SGPP2: variants seen among roughly 807,000 people sequenced by gnomAD.
SGPP2 encodes sphingosine-1-phosphate phosphatase 2, also known as sphingosine 1-phosphate phosphohydrolase 2.
In SGPP2, 30 loss-of-function variants were observed where a neutral mutation model predicts 33.9. The observed-to-expected ratio is 0.89, with a 90% CI of 0.66 to 1.20. The LOEUF is 1.20. Among genes scored for constraint, SGPP2 ranks in the 50% most tolerant of loss-of-function variants. The pLI, the probability that SGPP2 is intolerant of heterozygous loss-of-function variation, is 0.00. For synonymous variants in SGPP2, 233 were observed against 225.0 expected (o/e 1.04, Z -0.32); for missense variants, 458 against 532.1 (o/e 0.86, Z 1.37).
chr2:222,432,404 T>C (rs1328763748), intron 1 of SGPP2, among the ~76,000 whole-genome samples: 1 of 152,198 alleles, frequency 6.6e-6, no homozygotes, highest in East Asian at 1.9e-4. Flanking sequence ...TTTTGAATCA[T>C]AGGATCCCAT....
intron 4 of SGPP2, among the ~76,000 whole-genome samples, chr2:222,538,040 A>G (rs1198815000): frequency 2.0e-5 from 3 of 152,220 alleles, no homozygotes; most frequent in South Asian, 2.1e-4. Flanking sequence ...TGGTTCCCCT[A>G]TGAATTATTC....
At chr2:222,462,939 T>A (rs1410670562) in intron 1 of SGPP2, among the ~76,000 whole-genome samples, 3 of 152,166 alleles carry the variant, frequency 2.0e-5, no homozygotes, top group Non-Finnish European at 4.4e-5. Flanking sequence ...GTTTTCTTCT[T>A]AATGTTCTTT....
At chr2:222,510,093 AGTTT>A (rs754973360) in intron 2 of SGPP2, among the ~76,000 whole-genome samples, 2 of 152,208 alleles carry the variant, frequency 1.3e-5, no homozygotes, top group African/African-American at 4.8e-5. Flanking sequence ...TATATAGCAC[AGTTT>A]GTTTATCTGC....
upstream of SGPP2, among the ~76,000 whole-genome samples, chr2:222,424,041 G>A (rs117596762): frequency 6.6e-6 from 1 of 152,092 alleles, no homozygotes; most frequent in Non-Finnish European, 1.5e-5. Context: ...CTCCCTGGGG[G>A]GCTCGCTGTA....
At chr2:222,444,139 G>A (rs1697365580) in intron 1 of SGPP2, among the ~76,000 whole-genome samples, 1 of 152,160 alleles carries the variant, frequency 6.6e-6, no homozygotes, top group Non-Finnish European at 1.5e-5. Flanking sequence ...CTCTCTTGTT[G>A]TAGAGCATGG....
At chr2:222,528,158 A>C (rs1469556390) in intron 4 of SGPP2, among the ~76,000 whole-genome samples, 13 of 152,324 alleles carry the variant, frequency 8.5e-5, no homozygotes, top group Non-Finnish European at 1.8e-4. Flanking sequence ...AAGCTTCTAA[A>C]AAAATCTCTC....
rs752203763 is a variant in SGPP2, at chr2:222,477,336, TGTGTGTATAG to T, written c.378+2620_378+2629del. 7.9e-4 allele frequency among the ~76,000 whole-genome samples: 118 copies of T among 148,492 alleles called. No homozygotes were observed. Among genetic ancestry groups the T allele is most frequent in the South Asian group, 2.3e-3 (11 of 4,700 alleles). On this transcript the variant is annotated intron_variant, in intron 2 of 4. Coordinates refer to ENST00000321276, the MANE Select transcript of SGPP2 (RefSeq NM_152386.4). This position sits in a 1 kb window ranked among gnomAD's most constrained non-coding sequence, Gnocchi z 6.0. ...GTGAGTATATATGTGTGTCTATGTG[TGTGTGTATAG>T]GTGTGTATATATGTGTATGTGTGTA...
At chr2:222,463,729 TGACAAATTTGTCA>T (rs1400079861) in intron 1 of SGPP2, among the ~76,000 whole-genome samples, 2 of 152,246 alleles carry the variant, frequency 1.3e-5, no homozygotes, top group Non-Finnish European at 2.9e-5. Flanking sequence ...TTGACTTTGG[TGACAAATTTGTCA>T]GACTTCAGTT....
chr2:222,484,059 T>C (rs1417136810), intron 2 of SGPP2, among the ~76,000 whole-genome samples: 1 of 152,186 alleles, frequency 6.6e-6, no homozygotes, highest in Non-Finnish European at 1.5e-5. Context: ...TTATAAAAAC[T>C]GCATTGGTTT....
Position 222,458,768 on chromosome 2 carries a change from C to T in SGPP2, c.220-15800C>T, listed in dbSNP as rs115034939. ...ATCACCCCAAAAAGAAACCCATGCT[C>T]ATTAGCAAGCATTCCCGTTTTCCTC... On this transcript the variant is annotated intron_variant, in intron 1 of 4. Coordinates refer to ENST00000321276, the MANE Select transcript of SGPP2 (RefSeq NM_152386.4). 7.5e-3 allele frequency among the ~76,000 whole-genome samples: 1,139 copies of T among 152,294 alleles called. 11 individuals carry two copies. Among genetic ancestry groups the T allele is most frequent in the African/African-American group, 0.026 (1,086 of 41,542 alleles).
chr2:222,453,333 C>T (rs1697521676), intron 1 of SGPP2, among the ~76,000 whole-genome samples: 1 of 152,090 alleles, frequency 6.6e-6, no homozygotes, highest in Admixed American at 6.5e-5. Flanking sequence ...AATTTAAGAG[C>T]TGGACTGGAA....
intron 1 of SGPP2, among the ~76,000 whole-genome samples, chr2:222,463,897 G>C (rs1319734563): frequency 6.6e-6 from 1 of 152,174 alleles, no homozygotes; most frequent in Admixed American, 6.5e-5. Flanking sequence ...TTTGAAGGGA[G>C]GTAGGGATGG....
chr2:222,521,790 G>A lies in SGPP2; in HGVS notation c.402G>A (p.Val134=), dbSNP rs958346893. 10 of 1,608,246 alleles carry A rather than the reference G, an allele frequency of 6.2e-6. No homozygotes were observed. In the Admixed American group the frequency reaches 1.5e-4, roughly 25 times the overall value. Reference sequence around the variant, plus strand: ...AGTTGGTGATGTATATTGGCCAAGTGGCCAAGGATGTCTTGAAGTGGCCCC... The same window carrying A: ...AGTTGGTGATGTATATTGGCCAAGTAGCCAAGGATGTCTTGAAGTGGCCCC... ...IWVLVMYIGQ[V]AKDVLKWPRP... The change falls in exon 3 of 5, where the codon GTG becomes GTA. Residue 134 remains valine (V), a synonymous_variant. Coordinates refer to ENST00000321276, the MANE Select transcript of SGPP2 (RefSeq NM_152386.4).
intron 2 of SGPP2, among the ~76,000 whole-genome samples, chr2:222,488,033 C>T (rs1559158414): frequency 6.6e-6 from 1 of 152,300 alleles, no homozygotes; most frequent in Middle Eastern, 3.4e-3. Context: ...AACACACATT[C>T]AGGTGCATCA....
At position 222,561,667 on chromosome 2, in the gene SGPP2, T is replaced by C. The variant is rs151175486; in HGVS notation, c.*2769T>C. 5.7e-4 allele frequency among the ~76,000 whole-genome samples: 86 copies of C among 152,188 alleles called. No individual in the cohort carries two copies. Among genetic ancestry groups the C allele is most frequent in the African/African-American group, 1.8e-3 (76 of 41,540 alleles). On this transcript the variant is annotated 3_prime_UTR_variant, in exon 5 of 5. Coordinates refer to ENST00000321276, the MANE Select transcript of SGPP2 (RefSeq NM_152386.4). ...AACTAATTTGGGCTGAGGATGAATA[T>C]ATCAGCCACAGCACATTAAAGAATG...
Position 222,465,925 on chromosome 2 carries a change from A to G in SGPP2, c.220-8643A>G, listed in dbSNP as rs1697738423. 6.6e-6 allele frequency among the ~76,000 whole-genome samples: 1 copy of G among 152,176 alleles called. No individual in the cohort carries two copies. The highest frequency in any genetic ancestry group is 1.5e-5 in the Non-Finnish European group (1 of 68,036). ...CTCAAATGGCTCCTCTGTGGCAAGC[A>G]TCCCCAGACACACATTGATCACTTT... On this transcript the variant is annotated intron_variant, in intron 1 of 4. Coordinates refer to ENST00000321276, the MANE Select transcript of SGPP2 (RefSeq NM_152386.4). The surrounding 1 kb of genome is among the most constrained non-coding windows in gnomAD (Gnocchi z 4.1).
At chr2:222,439,177 A>G (rs1480413188) in intron 1 of SGPP2, among the ~76,000 whole-genome samples, 1 of 152,190 alleles carries the variant, frequency 6.6e-6, no homozygotes, top group African/African-American at 2.4e-5. Flanking sequence ...CCCTTTCCCC[A>G]GTGCACAGTT....
chr2:222,493,920 C>G (rs1698236599), intron 2 of SGPP2, among the ~76,000 whole-genome samples: 2 of 152,172 alleles, frequency 1.3e-5, no homozygotes, highest in Non-Finnish European at 2.9e-5. Flanking sequence ...TTCATTTGAC[C>G]TTCTGAGAGA....
At chr2:222,458,155 C>A (rs1306094111) in intron 1 of SGPP2, among the ~76,000 whole-genome samples, 1 of 151,996 alleles carries the variant, frequency 6.6e-6, no homozygotes, top group African/African-American at 2.4e-5. Context: ...CTTAAGTGAT[C>A]CTCCCACCTC....
Sources: gnomAD v4.1 joint callset for allele counts (sites outside exome capture counted in the v4.1 genomes callset) on GRCh38, gnomAD v4.1.1 for gene constraint, Gnocchi (gnomAD v3.1) non-coding constraint, MANE v1.5 for transcripts, NCBI Gene and HGNC (gene_info 2026-07-23, HGNC 2026-07-21) for gene names.